Variants in ZFAND3 observed in about 807,000 individuals in gnomAD.
The protein encoded by ZFAND3 is AN1-type zinc finger protein 3.
A neutral mutation model predicts 29.6 loss-of-function variants in ZFAND3; 10 were observed. The observed-to-expected ratio is 0.34, with a 90% confidence interval of 0.21 to 0.57. The LOEUF (loss-of-function observed/expected upper bound fraction) is 0.57, where lower values mean the gene tolerates loss of function less well. Ranked by LOEUF, ZFAND3 falls within the 20% of genes least tolerant of loss-of-function variation. ZFAND3 has a pLI of 0.86. For missense variants in ZFAND3, 230 were observed against 304.5 expected, an observed-to-expected ratio of 0.76 and a Z score of 1.82; for synonymous variants, 128 against 112.6, an observed-to-expected ratio of 1.14 and a Z score of -0.87.
At chr6:37,959,196 G>A (rs753541000) in intron 2 of ZFAND3, among the ~76,000 whole-genome samples, 4 of 152,226 alleles carry the variant, frequency 2.6e-5, no homozygotes, top group African/African-American at 9.6e-5. Flanking sequence ...ATGCAGCATA[G>A]CCTAACACAA....
At chr6:37,855,738 A>G (rs961432366) in intron 1 of ZFAND3, among the ~76,000 whole-genome samples, 1 of 152,158 alleles carries the variant, frequency 6.6e-6, no homozygotes, top group African/African-American at 2.4e-5. Context: ...TTCCATTTTG[A>G]AAAAGAAGAG....
At chr6:38,102,102 T>C (rs983006679) in intron 4 of ZFAND3, among the ~76,000 whole-genome samples, 2 of 152,118 alleles carry the variant, frequency 1.3e-5, no homozygotes, top group African/African-American at 4.8e-5. Flanking sequence ...TTCTTCCTCC[T>C]CCTCTTCTTC....
intron 2 of ZFAND3, among the ~76,000 whole-genome samples, chr6:38,049,365 A>G (rs780226705): frequency 1.4e-4 from 21 of 152,354 alleles, no homozygotes; most frequent in Middle Eastern, 6.8e-3. Flanking sequence ...CTGATCTGCA[A>G]AATAACTTTA....
At chr6:37,840,602 G>C (rs1237083390) in intron 1 of ZFAND3, among the ~76,000 whole-genome samples, 1 of 152,226 alleles carries the variant, frequency 6.6e-6, no homozygotes, top group Non-Finnish European at 1.5e-5. Context: ...CAGCTTGTCA[G>C]CTTCTGCAAA....
intron 5 of ZFAND3, among the ~76,000 whole-genome samples, chr6:38,118,260 A>C (rs1322155738): frequency 6.6e-6 from 1 of 152,180 alleles, no homozygotes; most frequent in East Asian, 1.9e-4. Context: ...GGGCAGGGAC[A>C]CTGTGGATGG....
intron 2 of ZFAND3, among the ~76,000 whole-genome samples, chr6:38,051,123 T>C (rs1764017434): frequency 6.6e-6 from 1 of 152,010 alleles, no homozygotes; most frequent in Admixed American, 6.6e-5. Context: ...CATACATAGG[T>C]GGGCAAGAGC....
At chr6:38,144,216 ATAATATATATATATATT>A (rs1766047468) in intron 5 of ZFAND3, among the ~76,000 whole-genome samples, 5 of 34,104 alleles carry the variant, frequency 1.5e-4, no homozygotes, top group Non-Finnish European at 1.8e-4. Flanking sequence ...TATATAATAT[ATAATATATATATATATT>A]TTTTTTTTAA....
intron 2 of ZFAND3, among the ~76,000 whole-genome samples, chr6:38,011,108 C>T (rs937795398): frequency 2.6e-5 from 4 of 151,884 alleles, no homozygotes; most frequent in Non-Finnish European, 5.9e-5. Flanking sequence ...TGTTTCAATT[C>T]GCATAATACG....
In ZFAND3 at chr6:38,083,480, GA is replaced by G. The variant is rs549116332; in HGVS notation, c.361+1027del. On this transcript the variant is annotated intron_variant, in intron 4 of 5. Coordinates refer to ENST00000287218, the MANE Select transcript of ZFAND3 (RefSeq NM_021943.3). The stretch of plus-strand genomic sequence containing the variant: ...TAGATTTCTTTTTTTTACTGAGGTA[GA>G]AAAGAGCTGTGCCTGAAGTGAGATA... 1.9e-4 allele frequency among the ~76,000 whole-genome samples: 29 copies of G among 152,214 alleles called. No homozygotes were observed. In the East Asian group the frequency reaches 5.6e-3, roughly 29 times the overall value.
intron 1 of ZFAND3, among the ~76,000 whole-genome samples, chr6:37,848,440 T>C (rs1194232466): frequency 6.6e-6 from 1 of 152,230 alleles, no homozygotes; most frequent in Admixed American, 6.5e-5. Flanking sequence ...TCATTTTCAT[T>C]TTTGAATAAA....
At chr6:37,839,230 G>A (rs1764024850) in intron 1 of ZFAND3, among the ~76,000 whole-genome samples, 1 of 151,662 alleles carries the variant, frequency 6.6e-6, no homozygotes, top group Non-Finnish European at 1.5e-5. Context: ...GCCCAGGCTG[G>A]AGTGCAGTGG....
chr6:38,051,243 C>T (rs1764019699), intron 2 of ZFAND3, among the ~76,000 whole-genome samples: 1 of 152,120 alleles, frequency 6.6e-6, no homozygotes, highest in African/African-American at 2.4e-5. Context: ...TGTCTTTTCT[C>T]CTGTCACATC....
intron 1 of ZFAND3, among the ~76,000 whole-genome samples, chr6:37,841,129 AT>A (rs1342474926): frequency 1.4e-4 from 22 of 152,180 alleles, no homozygotes; most frequent in Admixed American, 1.4e-3. Flanking sequence ...TTGAGTAAAT[AT>A]TTCACTTTAG....
chr6:37,969,322 G>A (rs1762345167), intron 2 of ZFAND3, among the ~76,000 whole-genome samples: 1 of 152,154 alleles, frequency 6.6e-6, no homozygotes, highest in Non-Finnish European at 1.5e-5. Flanking sequence ...TTAAAATTAG[G>A]TTACATCCTG....
At chr6:38,109,131 T>C (rs940267438) in intron 4 of ZFAND3, among the ~76,000 whole-genome samples, 4 of 150,716 alleles carry the variant, frequency 2.7e-5, no homozygotes, top group African/African-American at 7.3e-5. Context: ...AAAGAAGAGT[T>C]AGAGGGAAAA....
intron 3 of ZFAND3, among the ~76,000 whole-genome samples, chr6:38,064,310 G>A (rs915812548): frequency 3.3e-5 from 5 of 152,172 alleles, no homozygotes; most frequent in African/African-American, 1.2e-4. Context: ...TGAGCACTTT[G>A]TATATGAGAC....
intron 2 of ZFAND3, among the ~76,000 whole-genome samples, chr6:37,937,704 G>C (rs116351526): frequency 0.011 from 1,620 of 148,162 alleles, 19 homozygotes; most frequent in Non-Finnish European, 0.017. Flanking sequence ...CTCTTAAGAC[G>C]AAGTGTTTGA....
At chr6:37,949,907 T>C (rs1287891566) in intron 2 of ZFAND3, among the ~76,000 whole-genome samples, 1 of 152,162 alleles carries the variant, frequency 6.6e-6, no homozygotes, top group Admixed American at 6.5e-5. Flanking sequence ...TATGGAAGCT[T>C]CATGACATTA....
At chr6:38,023,990 A>C (rs1763399570) in intron 2 of ZFAND3, among the ~76,000 whole-genome samples, 1 of 152,000 alleles carries the variant, frequency 6.6e-6, no homozygotes, top group African/African-American at 2.4e-5. Context: ...GTGAATAACC[A>C]CTGCACACCA....
Sources: gnomAD v4.1 joint callset for allele counts (sites outside exome capture counted in the v4.1 genomes callset) on GRCh38, gnomAD v4.1.1 for gene constraint, MANE v1.5 for transcripts, NCBI Gene and HGNC (gene_info 2026-07-23, HGNC 2026-07-21) for gene names.